The following NDUFB7 variants were observed in gnomAD, a reference collection of about 807,000 sequenced individuals.
The protein encoded by NDUFB7 is NADH dehydrogenase [ubiquinone] 1 beta subcomplex subunit 7.
NDUFB7 carries 18 observed loss-of-function variants against 14.7 expected under a neutral mutation model. The observed-to-expected ratio is 1.22, with a 90% CI of 0.85 to 1.81. The LOEUF is 1.81. NDUFB7 is among the 40% of genes most tolerant of loss of function. The pLI, the probability that NDUFB7 is intolerant of heterozygous loss-of-function variation, is 0.00. For missense variants in NDUFB7, 219 were observed against 195.0 expected, an observed-to-expected ratio of 1.12 and a Z score of -0.73; for synonymous variants, 86 against 76.1, an observed-to-expected ratio of 1.13 and a Z score of -0.68.
chr19:14,568,142 T>A (rs766976881), intron 1 of NDUFB7, among the ~76,000 whole-genome samples: 3 of 152,190 alleles, frequency 2.0e-5, no homozygotes, highest in Non-Finnish European at 4.4e-5. Flanking sequence ...TCTCCCAGGT[T>A]CAAGCAATTC....
intron 2 of NDUFB7, 23 bp from the exon 3 acceptor site, chr19:14,566,288 G>C (rs988868047): frequency 2.5e-6 from 4 of 1,613,232 alleles, no homozygotes; most frequent in Non-Finnish European, 3.4e-6. Flanking sequence ...CACGAGAGGG[G>C]CTGTCAGGGT....
intron 1 of NDUFB7, among the ~76,000 whole-genome samples, chr19:14,569,707 C>G (rs2074113842): frequency 6.6e-6 from 1 of 152,106 alleles, no homozygotes; most frequent in African/African-American, 2.4e-5. Context: ...AGTGATTATA[C>G]CATCTCCCAA....
rs1212248042 is a variant in NDUFB7 at position 14,566,910 on chromosome 19, TC to T, written c.135del (p.Met46Ter). ...KEREMVATQQ[E>X]MMDAQLRLQL... ...TGGAGCCTCAGCTGCGCGTCCATCA[TC>T]TCCTGCTGTGTGGCCACCATCTCTG... On this transcript the variant is annotated frameshift_variant, in exon 2 of 3. Transcript: ENST00000215565. LOFTEE classifies it high-confidence loss of function. 3.8e-6 allele frequency: 6 copies of T among 1,584,886 alleles called. No individual in the cohort carries two copies. The highest frequency in any genetic ancestry group is 5.1e-6 in the Non-Finnish European group (6 of 1,169,716).
intron 1 of NDUFB7, among the ~76,000 whole-genome samples, chr19:14,568,692 C>T (rs1241771924): frequency 2.0e-5 from 3 of 152,142 alleles, no homozygotes; most frequent in African/African-American, 7.2e-5. Context: ...GGAGACCAGC[C>T]TGGGGAGCAC....
chr19:14,571,844 C>A lies in NDUFB7; in HGVS notation c.112+45G>T, dbSNP rs571355965. 11 of 1,563,092 alleles carry A rather than the reference C, an allele frequency of 7.0e-6. No homozygotes were observed. In the South Asian group the frequency reaches 1.2e-4, roughly 16 times the overall value. Reference sequence around the variant, plus strand: ...CCCTGGGGTGCCAGGTGTTCAGGCACCCGCGCCCCACGCCCTCTGGCTGCG... The same window carrying A: ...CCCTGGGGTGCCAGGTGTTCAGGCAACCGCGCCCCACGCCCTCTGGCTGCG... On this transcript the variant is annotated intron_variant, in intron 1 of 2. Transcript: ENST00000215565.
At chr19:14,568,253 C>T (rs1448192298) in intron 1 of NDUFB7, among the ~76,000 whole-genome samples, 1 of 152,184 alleles carries the variant, frequency 6.6e-6, no homozygotes, top group Non-Finnish European at 1.5e-5. Context: ...CCATGTTAGT[C>T]AGGCTGGTCT....
Position 14,572,054 on chromosome 19 carries a change from C to G in NDUFB7, c.-54G>C. On this transcript the variant is annotated 5_prime_UTR_variant, in exon 1 of 3. Transcript: ENST00000215565. The stretch of plus-strand genomic sequence containing the variant: ...AGCCGAGGGTCACCTAGCTCCTACC[C>G]GGAACCACTGACCCCTCAGTCAGAC... The G allele has an allele frequency of 7.3e-7, 1 of 1,364,140 alleles. No individual in the cohort carries two copies. The highest frequency in any genetic ancestry group is 1.0e-6 in the Non-Finnish European group (1 of 994,580). 84.5% of individuals were successfully genotyped at this position (1,364,140 alleles called of 1,614,324 possible).
At position 14,567,243 on chromosome 19, in the gene NDUFB7, C is replaced by T. The variant is rs1008994064; in HGVS notation, c.113-310G>A. The stretch of plus-strand genomic sequence containing the variant: ...TCCCCTCCCACAGGGATGCCCGTCC[C>T]CAGCTCTCTACAGCCCCGCTCTCCA... On this transcript the variant is annotated intron_variant, in intron 1 of 2. Transcript: ENST00000215565. The surrounding 1 kb of genome is among the most constrained non-coding windows in gnomAD (Gnocchi z 5.1). Among the ~76,000 whole-genome samples, 6 of 152,098 alleles carry T rather than the reference C, an allele frequency of 3.9e-5. No individual in the cohort carries two copies. The highest frequency in any genetic ancestry group is 6.5e-5 in the Admixed American group (1 of 15,268).
Position 14,566,107 on chromosome 19 carries a change from G to A in NDUFB7, c.*26C>T, listed in dbSNP as rs1200668646. ...GGGGCCTGAAGGCTTTTATTTGACT[G>A]GTCCATAGGGTGGGGGGTGCACCCC... is the stretch of plus-strand genomic sequence containing the variant. On this transcript the variant is annotated 3_prime_UTR_variant, in exon 3 of 3. Transcript: ENST00000215565. The A allele has an allele frequency of 1.3e-6, 2 of 1,597,200 alleles. No homozygotes were observed. The highest frequency in any genetic ancestry group is 8.5e-7 in the Non-Finnish European group (1 of 1,171,574).
Position 14,567,038 on chromosome 19 carries a change from G to C in NDUFB7, c.113-105C>G, listed in dbSNP as rs1599513778. The C allele has an allele frequency of 8.3e-7, 1 of 1,207,914 alleles. No homozygotes were observed. The allele number at this position is 1,207,914 out of a possible 1,614,324, so 74.8% of individuals were successfully genotyped here. On this transcript the variant is annotated intron_variant, in intron 1 of 2. Coordinates refer to ENST00000215565, the MANE Select transcript of NDUFB7 (RefSeq NM_004146.6). This position sits in a 1 kb window ranked among gnomAD's most constrained non-coding sequence, Gnocchi z 5.1. ...CGGCTTCAGGAAGGCACGGCTTGGG[G>C]TGTCCCCCATTCACATCCAGATGGC...
chr19:14,568,004 C>T (rs887856208), intron 1 of NDUFB7, among the ~76,000 whole-genome samples: 22 of 152,168 alleles, frequency 1.4e-4, no homozygotes, highest in Non-Finnish European at 2.4e-4. Context: ...CAGGTTTCCT[C>T]CCATCTCTAT....
chr19:14,567,408 C>CTG lies in NDUFB7; in HGVS notation c.113-476_113-475insCA, dbSNP rs3838926. Among the ~76,000 whole-genome samples, 1 of 27,634 alleles carries CTG rather than the reference C, an allele frequency of 3.6e-5. No homozygotes were observed. Among genetic ancestry groups the CTG allele is most frequent in the Non-Finnish European group, 8.0e-5 (1 of 12,434 alleles). The allele number at this position is 27,634 out of a possible 152,430, so 18.1% of individuals were successfully genotyped here. A position where few individuals can be genotyped will look rare whatever the true frequency, so the allele number is the denominator to read the frequency against. ...GCTCTGCACTGGCCGGCGGCGTGGC[C>CTG]TCTCTCTCAGCCTCAGAACTGACCA... On this transcript the variant is annotated intron_variant, in intron 1 of 2. Coordinates refer to ENST00000215565, the MANE Select transcript of NDUFB7 (RefSeq NM_004146.6). This position sits in a 1 kb window ranked among gnomAD's most constrained non-coding sequence, Gnocchi z 5.1.
intron 1 of NDUFB7, among the ~76,000 whole-genome samples, chr19:14,570,995 C>CA (rs1234547340): frequency 5.9e-5 from 9 of 151,806 alleles, no homozygotes; most frequent in African/African-American, 1.9e-4. Context: ...CCCAACTCTA[C>CA]AAAAAATAAA....
chr19:14,567,007 G>C lies in NDUFB7; in HGVS notation c.113-74C>G, dbSNP rs1344659481. On this transcript the variant is annotated intron_variant, in intron 1 of 2. Transcript: ENST00000215565. The surrounding 1 kb of genome is among the most constrained non-coding windows in gnomAD (Gnocchi z 5.1). ...ATTCCGGGGATCCCCAGGGGACCGAGGCACACGGCTTCAGGAAGGCACGGC... is the reference window on the plus strand; with the variant it reads ...ATTCCGGGGATCCCCAGGGGACCGACGCACACGGCTTCAGGAAGGCACGGC... The C allele has an allele frequency of 6.9e-7, 1 of 1,453,506 alleles. No homozygotes were observed. The highest frequency in any genetic ancestry group is 1.4e-5 in the African/African-American group (1 of 71,388). 90.0% of individuals were successfully genotyped at this position (1,453,506 alleles called of 1,614,324 possible). A position where few individuals can be genotyped will look rare whatever the true frequency, so the allele number is the denominator to read the frequency against.
rs1474755424 is a variant in NDUFB7, at chr19:14,566,276, A to G, written c.282-11T>C. The G allele has an allele frequency of 3.1e-6, 5 of 1,613,642 alleles. No individual in the cohort carries two copies. The highest frequency in any genetic ancestry group is 3.4e-6 in the Non-Finnish European group (4 of 1,179,988). ...ATGCGCATCACATAGCTGGGGGAAA[A>G]GCACGAGAGGGGCTGTCAGGGTCCC... On this transcript the variant is annotated splice_polypyrimidine_tract_variant and intron_variant, in intron 2 of 2. Coordinates refer to ENST00000215565, the MANE Select transcript of NDUFB7 (RefSeq NM_004146.6).
rs968636853 is a variant in NDUFB7, at chr19:14,567,264, CTCCAGAGTCCGAGTTCAG to C, written c.113-349_113-332del. 7.2e-5 allele frequency among the ~76,000 whole-genome samples: 11 copies of C among 152,118 alleles called. No homozygotes were observed. Among genetic ancestry groups the C allele is most frequent in the Admixed American group, 5.2e-4 (8 of 15,280 alleles). The stretch of plus-strand genomic sequence containing the variant: ...GTCCCCAGCTCTCTACAGCCCCGCT[CTCCAGAGTCCGAGTTCAG>C]AATCCACCTTCTCCCAGAGTAACCC... On this transcript the variant is annotated intron_variant, in intron 1 of 2. Coordinates refer to ENST00000215565, the MANE Select transcript of NDUFB7 (RefSeq NM_004146.6). This position sits in a 1 kb window ranked among gnomAD's most constrained non-coding sequence, Gnocchi z 5.1.
chr19:14,568,779 G>A (rs1462294690), intron 1 of NDUFB7, among the ~76,000 whole-genome samples: 2 of 152,184 alleles, frequency 1.3e-5, no homozygotes, highest in African/African-American at 4.8e-5. Context: ...AGCTACTCGG[G>A]AGGATCGCTT....
chr19:14,570,797 C>T (rs1487986041), intron 1 of NDUFB7, among the ~76,000 whole-genome samples: 2 of 152,186 alleles, frequency 1.3e-5, no homozygotes, highest in Non-Finnish European at 2.9e-5. Context: ...TAATGTGGGA[C>T]GTGGCCCAGA....
chr19:14,566,803 C>T lies in NDUFB7; in HGVS notation c.243G>A (p.Lys81=). ...AGTAGTCCCAGTCGTGCCGCTCCTG[C>T]TTGCAGGCCAGGAAGTTGGGGAAGC... is the stretch of plus-strand genomic sequence containing the variant. ...RDSFPNFLAC[K]QERHDWDYCE... The change falls in exon 2 of 3, where the codon AAG becomes AAA. Residue 81 remains lysine, a synonymous_variant. Transcript: ENST00000215565. 2.6e-6 allele frequency: 4 copies of T among 1,547,436 alleles called. No homozygotes were observed. Among genetic ancestry groups the T allele is most frequent in the Non-Finnish European group, 3.5e-6 (4 of 1,147,152 alleles).
Sources: gnomAD v4.1 joint callset for allele counts (sites outside exome capture counted in the v4.1 genomes callset) on GRCh38, gnomAD v4.1.1 for gene constraint, Gnocchi (gnomAD v3.1) non-coding constraint, MANE v1.5 for transcripts, NCBI Gene and HGNC (gene_info 2026-07-23, HGNC 2026-07-21) for gene names.